MIA2: variants seen among roughly 807,000 people sequenced by gnomAD.
The protein encoded by MIA2 is MIA SH3 domain ER export factor 2.
Under a neutral mutation model 167.8 loss-of-function variants are expected in MIA2, and 127 were observed. That is an observed-to-expected ratio of 0.76 (90% confidence interval 0.66 to 0.88). The LOEUF (loss-of-function observed/expected upper bound fraction) is 0.88, where lower values mean the gene tolerates loss of function less well. Ranked by LOEUF, MIA2 falls within the 40% of genes least tolerant of loss-of-function variation. The pLI, the probability that MIA2 is intolerant of heterozygous loss-of-function variation, is 0.00. For missense variants in MIA2, 1,690 were observed against 1,624.7 expected, an observed-to-expected ratio of 1.04 and a Z score of -0.69; for synonymous variants, 552 against 541.9, an observed-to-expected ratio of 1.02 and a Z score of -0.26.
chr14:39,314,715 A>G (rs957745055), intron 19 of MIA2, 24 bp from the exon 20 acceptor site: 26 of 1,579,862 alleles, frequency 1.6e-5, no homozygotes, highest in Non-Finnish European at 2.2e-5. Context: ...TGTTAATAGT[A>G]GAATAATTAT....
chr14:39,357,883 CA>C (rs2074571320), intron 23 of MIA2, among the ~76,000 whole-genome samples: 2 of 84,824 alleles, frequency 2.4e-5, no homozygotes, highest in Non-Finnish European at 4.2e-5. Flanking sequence ...TATTGGCCCG[CA>C]CTCTCTTCTG....
At chr14:39,261,379 C>T (rs1437725539) in intron 6 of MIA2, among the ~76,000 whole-genome samples, 1 of 152,112 alleles carries the variant, frequency 6.6e-6, no homozygotes, top group Non-Finnish European at 1.5e-5. Flanking sequence ...TTTCTTAATC[C>T]AGTCTATCAT....
At chr14:39,369,037 A>C (rs1253779374) in intron 23 of MIA2, among the ~76,000 whole-genome samples, 1 of 152,194 alleles carries the variant, frequency 6.6e-6, no homozygotes, top group Non-Finnish European at 1.5e-5. Context: ...GAAGTTATCC[A>C]TGTTTCAGAA....
Position 39,309,734 on chromosome 14 carries a change from T to C in MIA2, c.3017+1147T>C, listed in dbSNP as rs149491471. Among the ~76,000 whole-genome samples, 302 of 152,326 alleles carry C rather than the reference T, an allele frequency of 2.0e-3. 3 individuals carry two copies. Among genetic ancestry groups the C allele is most frequent in the East Asian group, 1.4e-3 (7 of 5,182 alleles). On this transcript the variant is annotated intron_variant, in intron 18 of 28. Transcript: ENST00000640607. ...TCTGAGAGAAAATTATTTTCTTCAC[T>C]TCTGTATTCCCAGTGCCTAAAGCTA...
chr14:39,318,212 A>G (rs1254618422), intron 22 of MIA2, among the ~76,000 whole-genome samples: 1 of 152,204 alleles, frequency 6.6e-6, no homozygotes, highest in Non-Finnish European at 1.5e-5. Context: ...ACTTGGAGGA[A>G]ACTGTTAACA....
intron 6 of MIA2, among the ~76,000 whole-genome samples, chr14:39,275,151 G>GTGTGTGTGTGTGTGTGTT (rs2057799425): frequency 6.7e-6 from 1 of 149,574 alleles, no homozygotes. Context: ...GTGTGTGTGT[G>GTGTGTGTGTGTGTGTGTT]TGTGTGTGTG....
chr14:39,266,527 G>A lies in MIA2; in HGVS notation c.1888-10407G>A, dbSNP rs181979702. The A allele has an allele frequency of 7.1e-4, 696 of 985,496 alleles. 2 individuals carry two copies. The African/African-American group carries it at 0.011, about 16-fold the overall frequency. 61.0% of individuals were successfully genotyped at this position (985,496 alleles called of 1,614,324 possible). A position where few individuals can be genotyped will look rare whatever the true frequency, so the allele number is the denominator to read the frequency against. On this transcript the variant is annotated intron_variant, in intron 6 of 28. Coordinates refer to ENST00000640607, the MANE Select transcript of MIA2 (RefSeq NM_001329214.4). ...GCCTAACAAGTGCCCAGGTGACTCA[G>A]GTAAGCGAGGAAACCAGATCGAGGT...
At chr14:39,281,598 TTTTTG>T (rs777994923) in intron 9 of MIA2, among the ~76,000 whole-genome samples, 4 of 151,214 alleles carry the variant, frequency 2.6e-5, no homozygotes, top group African/African-American at 9.8e-5. Context: ...TGCTCTCTTA[TTTTTG>T]TTTTGTTTTG....
downstream of MIA2, among the ~76,000 whole-genome samples, chr14:39,354,518 T>A (rs574546415): frequency 6.6e-6 from 1 of 152,176 alleles, no homozygotes; most frequent in Non-Finnish European, 1.5e-5. Context: ...GTTGCCTGTT[T>A]ATTCTGATGG....
At chr14:39,309,963 A>G (rs916563068) in intron 18 of MIA2, among the ~76,000 whole-genome samples, 1 of 150,174 alleles carries the variant, frequency 6.7e-6, no homozygotes. Context: ...TTTTTTTATC[A>G]TAAAGGGTAA....
At chr14:39,278,158 A>G (rs1241489505) in intron 7 of MIA2, among the ~76,000 whole-genome samples, 2 of 151,696 alleles carry the variant, frequency 1.3e-5, no homozygotes, top group Non-Finnish European at 2.9e-5. Flanking sequence ...ATTTTTTTGT[A>G]GAGACGGGTT....
At chr14:39,296,108 A>G (rs2061385860) in intron 13 of MIA2, among the ~76,000 whole-genome samples, 1 of 151,926 alleles carries the variant, frequency 6.6e-6, no homozygotes, top group Non-Finnish European at 1.5e-5. Context: ...TCTGTGTCCT[A>G]AGATTTCACT....
intron 25 of MIA2, among the ~76,000 whole-genome samples, chr14:39,340,745 T>G (rs1325083472): frequency 6.6e-6 from 1 of 152,214 alleles, no homozygotes; most frequent in Admixed American, 6.5e-5. Flanking sequence ...GGCTACCAGT[T>G]TTTTAGGAAT....
intron 19 of MIA2, 42 bp from the exon 20 acceptor site, chr14:39,314,697 A>T (rs141446304): frequency 6.9e-7 from 1 of 1,456,408 alleles, no homozygotes; most frequent in African/African-American, 1.5e-5. Context: ...CTGTCATTTC[A>T]TGTTATATGT....
intron 23 of MIA2, among the ~76,000 whole-genome samples, chr14:39,359,206 C>A (rs62000715): frequency 0.017 from 2,612 of 152,218 alleles, 29 homozygotes; most frequent in Non-Finnish European, 0.028. Context: ...CCACCCAATT[C>A]GAGCTTCCAA....
intron 23 of MIA2, chr14:39,385,750 ATAG>A (rs2139381170): frequency 3.4e-6 from 3 of 881,906 alleles, no homozygotes; most frequent in Admixed American, 1.7e-5. Context: ...ATTCTGGATA[ATAG>A]TAGATGAATT....
chr14:39,282,634 C>A (rs1459988782), intron 9 of MIA2, among the ~76,000 whole-genome samples: 2 of 152,248 alleles, frequency 1.3e-5, no homozygotes, highest in African/African-American at 4.8e-5. Context: ...GGTGCAGTGG[C>A]ATGATCTTGG....
chr14:39,371,477 T>C (rs2074945448), intron 23 of MIA2, among the ~76,000 whole-genome samples: 1 of 152,254 alleles, frequency 6.6e-6, no homozygotes, highest in South Asian at 2.1e-4. Context: ...GCAGATGTGG[T>C]TCAGGGTTCA....
intron 6 of MIA2, chr14:39,267,367 G>A: frequency 6.3e-7 from 1 of 1,591,324 alleles, no homozygotes. Context: ...TGCGGATTCG[G>A]GTTCCGGACC....
Sources: gnomAD v4.1 joint callset for allele counts (sites outside exome capture counted in the v4.1 genomes callset) on GRCh38, gnomAD v4.1.1 for gene constraint, MANE v1.5 for transcripts, NCBI Gene and HGNC (gene_info 2026-07-23, HGNC 2026-07-21) for gene names.